AK8: variants seen among roughly 807,000 people sequenced by gnomAD.
AK8 encodes ATP-AMP transphosphorylase 8.
A neutral mutation model predicts 54.6 loss-of-function variants in AK8; 44 were observed. The ratio of observed to expected loss-of-function variants is 0.81; its 90% CI spans 0.63 to 1.04. The LOEUF is 1.04. Ranked by LOEUF, AK8 falls within the 50% of genes least tolerant of loss-of-function variation. The pLI is 0.00. For missense variants in AK8, 555 were observed against 613.6 expected, an observed-to-expected ratio of 0.90 and a Z score of 1.01; for synonymous variants, 239 against 245.6, an observed-to-expected ratio of 0.97 and a Z score of 0.25.
intron 5 of AK8, among the ~76,000 whole-genome samples, chr9:132,852,330 C>T (rs2131376079): frequency 6.6e-6 from 1 of 152,236 alleles, no homozygotes; most frequent in Admixed American, 6.5e-5. Context: ...AAAAATTGGG[C>T]CGGGCGCGGT....
chr9:132,873,438 T>TGG (rs113549526), intron 2 of AK8, among the ~76,000 whole-genome samples: 2 of 151,496 alleles, frequency 1.3e-5, no homozygotes, highest in African/African-American at 4.9e-5. Flanking sequence ...GGGAGGGAGG[T>TGG]GGGGGGGTGG....
chr9:132,873,515 T>G (rs1843948648), intron 2 of AK8, among the ~76,000 whole-genome samples: 3 of 152,234 alleles, frequency 2.0e-5, no homozygotes, highest in Admixed American at 6.5e-5. Context: ...TCTTACTTTG[T>G]TTTTACTTTA....
chr9:132,789,271 G>C lies in AK8; in HGVS notation c.1121+3363C>G, dbSNP rs182770448. The stretch of plus-strand genomic sequence containing the variant: ...GATCGCGCCATGCACTCCAGCCTGG[G>C]AGACAGAGCGAGACTCTGTCTCAAA... On this transcript the variant is annotated intron_variant, in intron 11 of 12. Transcript: ENST00000298545. Among the ~76,000 whole-genome samples the C allele has an allele frequency of 8.8e-3, 1,336 of 151,710 alleles. 10 individuals are homozygous for C. The highest frequency in any genetic ancestry group is 0.014 in the Non-Finnish European group (959 of 67,932).
chr9:132,732,313 G>A (rs1836882332), intron 11 of AK8, among the ~76,000 whole-genome samples: 1 of 152,050 alleles, frequency 6.6e-6, no homozygotes, highest in Admixed American at 6.5e-5. Flanking sequence ...TTAACATTTG[G>A]GATTATGGCA....
chr9:132,727,824 T>C (rs973059456), intron 11 of AK8, among the ~76,000 whole-genome samples: 2 of 152,130 alleles, frequency 1.3e-5, no homozygotes, highest in Non-Finnish European at 2.9e-5. Flanking sequence ...AGACCATCCC[T>C]GTAGACCGAG....
intron 3 of AK8, 144 bp downstream of exon 3, chr9:132,866,760 C>A: frequency 1.2e-6 from 1 of 818,452 alleles, no homozygotes; most frequent in Non-Finnish European, 2.0e-6. Flanking sequence ...TATGAATACA[C>A]ACTACCTTTT....
chr9:132,827,887 C>T, intron 7 of AK8, 126 bp downstream of exon 7: 1 of 901,318 alleles, frequency 1.1e-6, no homozygotes, highest in Non-Finnish European at 1.7e-6. Context: ...CAGCCTGTGG[C>T]AGCCTTCCTC....
At chr9:132,833,026 C>G (rs980148161) in intron 5 of AK8, among the ~76,000 whole-genome samples, 31 of 152,144 alleles carry the variant, frequency 2.0e-4, no homozygotes, top group African/African-American at 7.5e-4. Flanking sequence ...TTAGAGCCAC[C>G]CCCCACTGTA....
rs918949806 is a variant in AK8, at chr9:132,802,011, C to T, written c.980-9236G>A. On this transcript the variant is annotated intron_variant, in intron 10 of 12. Coordinates refer to ENST00000298545, the MANE Select transcript of AK8 (RefSeq NM_152572.3). ...ATGAGGACTAGAGGCCCAAACTCTG[C>T]CCTGCGCTCTGCATTCCACTTGCAG... Among the ~76,000 whole-genome samples the T allele has an allele frequency of 2.0e-5, 3 of 152,324 alleles. No individual in the cohort carries two copies. The East Asian group carries it at 5.8e-4, about 29-fold the overall frequency.
intron 5 of AK8, among the ~76,000 whole-genome samples, chr9:132,838,525 A>G (rs1300475163): frequency 6.6e-6 from 1 of 152,246 alleles, no homozygotes; most frequent in Admixed American, 6.5e-5. Flanking sequence ...ATCTGCGGAC[A>G]TGGTCAAGGT....
At chr9:132,801,434 G>C (rs1210282964) in intron 10 of AK8, among the ~76,000 whole-genome samples, 1 of 152,202 alleles carries the variant, frequency 6.6e-6, no homozygotes, top group Non-Finnish European at 1.5e-5. Context: ...GAAAGTATCT[G>C]GGAAAATGAG....
intron 11 of AK8, among the ~76,000 whole-genome samples, chr9:132,775,785 TCCCAATCCTCGGCTGC>T (rs1471703613): frequency 1.3e-5 from 2 of 152,158 alleles, no homozygotes; most frequent in Admixed American, 6.5e-5. Flanking sequence ...CAATGCTCCC[TCCCAATCCTCGGCTGC>T]CTCTTGGGGA....
rs371248268 is a variant in AK8 at position 132,875,093 on chromosome 9, A to T, written c.169+22T>A. 6 of 1,613,608 alleles carry T rather than the reference A, an allele frequency of 3.7e-6. No individual in the cohort carries two copies. In the African/African-American group the frequency reaches 8.0e-5, roughly 22 times the overall value. On this transcript the variant is annotated intron_variant, in intron 2 of 12. Coordinates refer to ENST00000298545, the MANE Select transcript of AK8 (RefSeq NM_152572.3). ...GAGGGGAAGGGAAGACGAGGAGGGG[A>T]AGAGCCCCAGCCAGTGCTCACCATT...
chr9:132,801,973 G>A (rs960148375), intron 10 of AK8, among the ~76,000 whole-genome samples: 1 of 152,172 alleles, frequency 6.6e-6, no homozygotes, highest in Admixed American at 6.5e-5. Context: ...TTAGGAGGAC[G>A]AGCACTGTGA....
chr9:132,802,915 A>G (rs1050511648), intron 10 of AK8, among the ~76,000 whole-genome samples: 5 of 152,206 alleles, frequency 3.3e-5, no homozygotes, highest in African/African-American at 1.2e-4. Flanking sequence ...TTGTTAGGCT[A>G]CAAGAGATAC....
At chr9:132,840,928 C>T (rs1842517773) in intron 5 of AK8, among the ~76,000 whole-genome samples, 2 of 152,090 alleles carry the variant, frequency 1.3e-5, no homozygotes, top group African/African-American at 2.4e-5. Context: ...TTTTCTAACA[C>T]AAAGCCCAGG....
chr9:132,877,560 G>T (rs921339994), intron 1 of AK8, among the ~76,000 whole-genome samples: 2 of 152,232 alleles, frequency 1.3e-5, no homozygotes, highest in Non-Finnish European at 2.9e-5. Context: ...CCCTGGCGGG[G>T]ACGGGGCCTC....
chr9:132,841,071 C>A (rs1042044119), intron 5 of AK8, among the ~76,000 whole-genome samples: 2 of 152,198 alleles, frequency 1.3e-5, no homozygotes, highest in African/African-American at 4.8e-5. Context: ...ATGCTTGGAT[C>A]GTCACATTTT....
chr9:132,777,757 G>A (rs1839285148), intron 11 of AK8, among the ~76,000 whole-genome samples: 1 of 152,190 alleles, frequency 6.6e-6, no homozygotes, highest in African/African-American at 2.4e-5. Context: ...GAACTATCAG[G>A]AAGCTCTGCG....
Sources: allele counts gnomAD v4.1 joint callset (sites outside exome capture counted in the v4.1 genomes callset), GRCh38; gene constraint gnomAD v4.1.1; transcripts MANE v1.5; gene names NCBI Gene and HGNC (gene_info 2026-07-23, HGNC 2026-07-21).